The following PNLIPRP1 variants were observed in gnomAD, a reference collection of about 807,000 sequenced individuals.
PNLIPRP1 encodes inactive pancreatic lipase-related protein 1.
A neutral mutation model predicts 54.6 loss-of-function variants in PNLIPRP1; 57 were observed. The observed-to-expected ratio is 1.04, with a 90% CI of 0.84 to 1.30. The LOEUF is 1.30. Among genes scored for constraint, PNLIPRP1 ranks in the 50% most tolerant of loss-of-function variants. PNLIPRP1 has a pLI of 0.00. For missense variants in PNLIPRP1, 567 were observed against 568.5 expected (o/e 1.00, Z 0.03); for synonymous variants, 232 against 208.8 (o/e 1.11, Z -0.96).
intron 6 of PNLIPRP1, among the ~76,000 whole-genome samples, chr10:116,596,639 G>T (rs1016526610): frequency 1.3e-5 from 2 of 152,116 alleles, no homozygotes; most frequent in African/African-American, 4.8e-5. Context: ...AGTGAGACTA[G>T]TATGAACATG....
intron 4 of PNLIPRP1, chr10:116,594,391 C>A (rs543325248): frequency 3.9e-6 from 2 of 513,286 alleles, no homozygotes; most frequent in Non-Finnish European, 3.8e-6. Context: ...CACTGGCCAC[C>A]GGAGATTGCA....
chr10:116,596,474 G>A (rs543017793), intron 6 of PNLIPRP1, 152 bp downstream of exon 6: 370 of 551,978 alleles, frequency 6.7e-4, no homozygotes, highest in Non-Finnish European at 1.1e-3. Context: ...ATTTTAGGGA[G>A]CCCCCAAGAA....
At chr10:116,604,593 A>G (rs1847904378) in intron 11 of PNLIPRP1, among the ~76,000 whole-genome samples, 1 of 151,902 alleles carries the variant, frequency 6.6e-6, no homozygotes. Flanking sequence ...GCAGGACTAT[A>G]TAACTTTATG....
In PNLIPRP1 at chr10:116,591,818, C is replaced by T; in HGVS notation, c.97C>T (p.Pro33Ser). The T allele has an allele frequency of 6.2e-7, 1 of 1,614,216 alleles. No individual in the cohort carries two copies. Among genetic ancestry groups the T allele is most frequent in the Non-Finnish European group, 8.5e-7 (1 of 1,180,040 alleles). ...CCTCGGGTGCTTTTCTGACACTGAG[C>T]CCTGGGGCGGGACAGCAATCAGGCC... Reference protein sequence around the residue: ...EDLGCFSDTEPWGGTAIRPLK... With the variant: ...EDLGCFSDTESWGGTAIRPLK... The change falls in exon 3 of 13, where the codon CCC becomes TCC. Residue 33 changes from proline to serine, a missense_variant. Coordinates refer to ENST00000358834, the MANE Select transcript of PNLIPRP1 (RefSeq NM_006229.4).
At position 116,600,124 on chromosome 10, in the gene PNLIPRP1, T is replaced by C. The variant is rs1399088057; in HGVS notation, c.892T>C (p.Phe298Leu). The change falls in exon 9 of 13, where the codon TTT becomes CTT. Residue 298 changes from phenylalanine (F) to leucine (L), a missense_variant. Physicochemically the swap from Phe to Leu is conservative, Grantham distance 22. Transcript: ENST00000358834. ...YLESILNPDG[F>L]AAYPCTSYKS... ...GGAAAGCATCCTCAATCCCGATGGG[T>C]TTGCTGCATATCCCTGCACTTCCTA... The C allele has an allele frequency of 5.6e-6, 9 of 1,613,444 alleles. No homozygotes were observed. The highest frequency in any genetic ancestry group is 7.6e-6 in the Non-Finnish European group (9 of 1,179,578).
chr10:116,602,329 A>AT (rs35072359), intron 10 of PNLIPRP1, among the ~76,000 whole-genome samples: 39,818 of 151,838 alleles, frequency 0.26, 5,596 homozygotes, highest in East Asian at 0.51. Context: ...CACTCTGTGT[A>AT]TTTTTTTTGT....
intron 9 of PNLIPRP1, 181 bp downstream of exon 9, chr10:116,600,346 T>G (rs1297479891): frequency 1.5e-5 from 8 of 524,224 alleles, no homozygotes; most frequent in African/African-American, 1.3e-4. Context: ...TGGCTAAAAT[T>G]TTAGATGACA....
chr10:116,604,972 C>T (rs1472961656), intron 11 of PNLIPRP1, among the ~76,000 whole-genome samples: 6 of 152,056 alleles, frequency 3.9e-5, no homozygotes, highest in Admixed American at 1.3e-4. Context: ...GGATTACAGA[C>T]GTGAGCCACC....
In PNLIPRP1 at chr10:116,599,965, AC is replaced by A. The variant is rs1284868653; in HGVS notation, c.815-80del. On this transcript the variant is annotated intron_variant, in intron 8 of 12. Transcript: ENST00000358834. ...TCTGAAAATACGGTCCTACTTTGGA[AC>A]CATCCCATTTGGAGAGAGAGGCAGA... is the stretch of plus-strand genomic sequence containing the variant. The A allele has an allele frequency of 4.7e-6, 4 of 845,772 alleles. No individual in the cohort carries two copies. In the African/African-American group the frequency reaches 6.7e-5, roughly 14 times the overall value. The allele number at this position is 845,772 out of a possible 1,614,324, so 52.4% of individuals were successfully genotyped here. A position where few individuals can be genotyped will look rare whatever the true frequency, so the allele number is the denominator to read the frequency against.
chr10:116,591,634 T>C (rs1198766655), intron 2 of PNLIPRP1, 137 bp from the exon 3 acceptor site: 7 of 825,390 alleles, frequency 8.5e-6, no homozygotes, highest in Non-Finnish European at 1.4e-5. Flanking sequence ...AAGAAGAGAG[T>C]GGGAGGGGTT....
In PNLIPRP1 at chr10:116,598,100, G is replaced by T. The variant is rs368867347; in HGVS notation, c.748G>T (p.Glu250Ter). 3.7e-6 allele frequency: 6 copies of T among 1,614,044 alleles called. No individual in the cohort carries two copies. The South Asian group carries it at 5.5e-5, about 15-fold the overall frequency. Reference sequence around the variant, plus strand: ...TCTTGACTTCTTCCCCAATGGAGGAGAGAGCATGCCGGGATGCAAGAAGAA... The same window carrying T: ...TCTTGACTTCTTCCCCAATGGAGGATAGAGCATGCCGGGATGCAAGAAGAA... ...GHLDFFPNGG[E>*]SMPGCKKNAL... Residue 250 changes from glutamate (E) to a stop codon, truncating the protein, a stop_gained, in exon 8 of 13, where the codon GAG becomes TAG. Coordinates refer to ENST00000358834, the MANE Select transcript of PNLIPRP1 (RefSeq NM_006229.4). LOFTEE classifies it high-confidence loss of function.
chr10:116,592,937 G>C (rs1224443918), intron 4 of PNLIPRP1: 1 of 344,638 alleles, frequency 2.9e-6, no homozygotes, highest in African/African-American at 2.2e-5. Flanking sequence ...GGAGGCCAAG[G>C]TGGATGGATC....
chr10:116,598,866 C>T (rs951474108), intron 8 of PNLIPRP1, among the ~76,000 whole-genome samples: 1 of 152,184 alleles, frequency 6.6e-6, no homozygotes, highest in Non-Finnish European at 1.5e-5. Flanking sequence ...ACGGAGAAAA[C>T]CCTTAGTAGT....
intron 9 of PNLIPRP1, among the ~76,000 whole-genome samples, chr10:116,600,688 A>G (rs1554864649): frequency 6.6e-6 from 1 of 152,098 alleles, no homozygotes; most frequent in Non-Finnish European, 1.5e-5. Context: ...AAATTCAGAG[A>G]CATCATGTTG....
intron 11 of PNLIPRP1, 142 bp downstream of exon 11, chr10:116,604,280 G>C: frequency 3.7e-6 from 2 of 542,634 alleles, no homozygotes; most frequent in Non-Finnish European, 6.6e-6. Context: ...CATTTTAGTT[G>C]ATGGACCACA....
chr10:116,601,318 G>GT, intron 10 of PNLIPRP1, 117 bp downstream of exon 10: 1 of 962,330 alleles, frequency 1.0e-6, no homozygotes, highest in South Asian at 1.7e-5. Flanking sequence ...TCTTAGAAAT[G>GT]GACACATTTA....
rs1294899108 is a variant in PNLIPRP1, at chr10:116,596,439, G to A, written c.574+117G>A. The A allele has an allele frequency of 4.5e-6, 3 of 660,062 alleles. No homozygotes were observed. The African/African-American group carries it at 5.4e-5, about 12-fold the overall frequency. The allele number at this position is 660,062 out of a possible 1,614,324, so 40.9% of individuals were successfully genotyped here. On this transcript the variant is annotated intron_variant, in intron 6 of 12. Coordinates refer to ENST00000358834, the MANE Select transcript of PNLIPRP1 (RefSeq NM_006229.4). ...GAGACTGTCCCCCTTGGCTGTGATA[G>A]AGCTGCTTGGAGCCTGCACAGAACA...
At chr10:116,591,034 G>A (rs963217937) in intron 1 of PNLIPRP1, 39 bp downstream of exon 1, 14 of 898,412 alleles carry the variant, frequency 1.6e-5, no homozygotes, top group African/African-American at 6.5e-5. Context: ...CTGCTGTGAC[G>A]TACAGGTGAG....
intron 9 of PNLIPRP1, among the ~76,000 whole-genome samples, chr10:116,600,688 A>T (rs1554864649): frequency 6.6e-6 from 1 of 152,098 alleles, no homozygotes; most frequent in Non-Finnish European, 1.5e-5. Flanking sequence ...AAATTCAGAG[A>T]CATCATGTTG....
Sources: allele counts gnomAD v4.1 joint callset (sites outside exome capture counted in the v4.1 genomes callset), GRCh38; gene constraint gnomAD v4.1.1; transcripts MANE v1.5; gene names NCBI Gene and HGNC (gene_info 2026-07-23, HGNC 2026-07-21).